The following PCNX1 variants were observed in gnomAD, a reference collection of about 807,000 sequenced individuals.
The protein encoded by PCNX1 is pecanex 1.
PCNX1 carries 78 observed loss-of-function variants against 242.2 expected under a neutral mutation model. The ratio of observed to expected loss-of-function variants is 0.32; its 90% CI spans 0.27 to 0.39. The LOEUF is 0.39. Ranked by LOEUF, PCNX1 falls within the 10% of genes least tolerant of loss-of-function variation. The pLI, the probability that PCNX1 is intolerant of heterozygous loss-of-function variation, is 1.00. For synonymous variants in PCNX1, 1,024 were observed against 1,032.9 expected (o/e 0.99, Z 0.17); for missense variants, 2,581 against 2,856.5 (o/e 0.90, Z 2.20).
At chr14:71,018,478 C>A (rs555236096) in intron 11 of PCNX1, among the ~76,000 whole-genome samples, 30 of 152,012 alleles carry the variant, frequency 2.0e-4, no homozygotes, top group Non-Finnish European at 3.7e-4. Flanking sequence ...TGTAAGAGCC[C>A]ATATTTAAGT....
chr14:71,109,614 C>T (rs1277254393), intron 35 of PCNX1, 22 bp downstream of exon 35: 8 of 1,613,094 alleles, frequency 5.0e-6, no homozygotes, highest in Middle Eastern at 1.6e-4. Context: ...TACAAGCTGG[C>T]GGTCTGGGGC....
At chr14:71,083,424 G>C (rs1025129721) in intron 28 of PCNX1, among the ~76,000 whole-genome samples, 9 of 151,750 alleles carry the variant, frequency 5.9e-5, no homozygotes, top group African/African-American at 2.2e-4. Flanking sequence ...GGAAGTTCTA[G>C]GTAATAATCC....
chr14:71,008,783 C>T (rs1358612490), intron 8 of PCNX1, among the ~76,000 whole-genome samples: 1 of 151,666 alleles, frequency 6.6e-6, no homozygotes, highest in Non-Finnish European at 1.5e-5. Context: ...AGTTGTATAC[C>T]TCATTTCATT....
chr14:70,966,856 C>G (rs2058394777), intron 3 of PCNX1, among the ~76,000 whole-genome samples: 1 of 152,014 alleles, frequency 6.6e-6, no homozygotes, highest in South Asian at 2.1e-4. Flanking sequence ...AATGTTAATT[C>G]TATAACTTAT....
At position 71,111,317 on chromosome 14, in the gene PCNX1, G is replaced by A. The variant is rs1595530422; in HGVS notation, c.*1382G>A. 6.6e-6 allele frequency: 1 copy of A among 152,496 alleles called. No homozygotes were observed. The highest frequency in any genetic ancestry group is 6.5e-5 in the Admixed American group (1 of 15,268). 9.4% of individuals were successfully genotyped at this position (152,496 alleles called of 1,614,324 possible). On this transcript the variant is annotated 3_prime_UTR_variant, in exon 36 of 36. Coordinates refer to ENST00000304743, the MANE Select transcript of PCNX1 (RefSeq NM_014982.3). ...CCTTGATAAAATTTTCCCTTTTGGTGTGAAACTCCAAAGAAAATTGTACAT... is the reference window on the plus strand; with the variant it reads ...CCTTGATAAAATTTTCCCTTTTGGTATGAAACTCCAAAGAAAATTGTACAT...
In PCNX1 at chr14:70,908,080, T is replaced by TCTTCCA. The variant is rs1331947283; in HGVS notation, c.153+79_153+84dup. ...AGATGCTGGGGTCGCGCCCTCTTCCTCTTCCACGGGGTCTCGTCCCCCGGG... is the reference window on the plus strand; with the variant it reads ...AGATGCTGGGGTCGCGCCCTCTTCCTCTTCCACTTCCACGGGGTCTCGTCCCCCGGG... On this transcript the variant is annotated intron_variant, in intron 1 of 35. Transcript: ENST00000304743. The TCTTCCA allele has an allele frequency of 2.9e-6, 4 of 1,374,868 alleles. No individual in the cohort carries two copies. The African/African-American group carries it at 6.1e-5, about 21-fold the overall frequency. The allele number at this position is 1,374,868 out of a possible 1,614,324, so 85.2% of individuals were successfully genotyped here.
At chr14:71,070,637 G>GA (rs2061564322) in intron 26 of PCNX1, among the ~76,000 whole-genome samples, 1 of 152,162 alleles carries the variant, frequency 6.6e-6, no homozygotes, top group South Asian at 2.1e-4. Flanking sequence ...CAGAAGGTCT[G>GA]AACAGTAGGC....
At chr14:71,093,481 CA>C (rs1432074250) in intron 30 of PCNX1, 1 of 152,212 alleles carries the variant, frequency 6.6e-6, no homozygotes, top group Non-Finnish European at 1.5e-5. Flanking sequence ...GAAGCAGTGC[CA>C]GAAAACAAGT....
In PCNX1 at chr14:71,047,879, G is replaced by C; in HGVS notation, c.4233G>C (p.Gln1411His). ...LRSSFSSPTY[Q>H]YVTVIFTVLF... is the part of the protein sequence containing the mutation. ...CCTCTTTTAGCAGCCCTACATATCAGTATGTTACAGTCATCTTTACTGTGC... is the reference window on the plus strand; with the variant it reads ...CCTCTTTTAGCAGCCCTACATATCACTATGTTACAGTCATCTTTACTGTGC... The change falls in exon 22 of 36, where the codon CAG becomes CAC. Residue 1411 changes from glutamine to histidine, a missense_variant. Physicochemically the swap from Gln to His is conservative, Grantham distance 24 (BLOSUM62 0). Coordinates refer to ENST00000304743, the MANE Select transcript of PCNX1 (RefSeq NM_014982.3). The C allele has an allele frequency of 6.2e-7, 1 of 1,612,978 alleles. No individual in the cohort carries two copies. The highest frequency in any genetic ancestry group is 8.5e-7 in the Non-Finnish European group (1 of 1,179,176).
chr14:71,019,446 A>T (rs2060039546), intron 12 of PCNX1, among the ~76,000 whole-genome samples: 1 of 152,324 alleles, frequency 6.6e-6, no homozygotes, highest in Non-Finnish European at 1.5e-5. Context: ...TCTGTTGCCC[A>T]GGCTGCAGTG....
At chr14:71,064,524 A>AT (rs543678083) in intron 26 of PCNX1, among the ~76,000 whole-genome samples, 248 of 152,274 alleles carry the variant, frequency 1.6e-3, no homozygotes, top group African/African-American at 5.7e-3. Context: ...CTCTTGTGTT[A>AT]TTTCGTCATT....
intron 26 of PCNX1, among the ~76,000 whole-genome samples, chr14:71,062,386 A>G (rs2061347660): frequency 6.6e-6 from 1 of 152,042 alleles, no homozygotes; most frequent in African/African-American, 2.4e-5. Context: ...AAAAGCTTAA[A>G]AAGTAAAAAA....
chr14:71,031,645 G>A lies in PCNX1; in HGVS notation c.3559-1784G>A, dbSNP rs193157460. On this transcript the variant is annotated intron_variant, in intron 16 of 35. Coordinates refer to ENST00000304743, the MANE Select transcript of PCNX1 (RefSeq NM_014982.3). ...TCTGCAGCTCAACAGCTCTGTGGGTGGGACGTCTCTCACCGTCAGTAGGTC... is the reference window on the plus strand; with the variant it reads ...TCTGCAGCTCAACAGCTCTGTGGGTAGGACGTCTCTCACCGTCAGTAGGTC... The A allele has an allele frequency of 4.3e-3, 2,816 of 658,164 alleles. 16 individuals carry two copies. The highest frequency in any genetic ancestry group is 4.5e-3 in the Non-Finnish European group (1,579 of 354,596). The allele number at this position is 658,164 out of a possible 1,614,324, so 40.8% of individuals were successfully genotyped here.
In PCNX1 at chr14:71,115,139, A is replaced by G. The variant is rs1422844794; in HGVS notation, c.*5204A>G. ...GAAAATGGGTTTTCCTTTTCTGATCATGGGCTCTGGAAAGTATTCATGGCC... is the reference window on the plus strand; with the variant it reads ...GAAAATGGGTTTTCCTTTTCTGATCGTGGGCTCTGGAAAGTATTCATGGCC... On this transcript the variant is annotated 3_prime_UTR_variant, in exon 36 of 36. Coordinates refer to ENST00000304743, the MANE Select transcript of PCNX1 (RefSeq NM_014982.3). 1 of 152,634 alleles carries G rather than the reference A, an allele frequency of 6.6e-6. No individual in the cohort carries two copies. Among genetic ancestry groups the G allele is most frequent in the African/African-American group, 2.4e-5 (1 of 41,452 alleles). The allele number at this position is 152,634 out of a possible 1,614,324, so 9.5% of individuals were successfully genotyped here.
Position 71,052,308 on chromosome 14 carries a change from G to A in PCNX1, c.4577+296G>A, listed in dbSNP as rs571545230. On this transcript the variant is annotated intron_variant, in intron 24 of 35. Transcript: ENST00000304743. ...TCACTGCAACCTCCACCTCCTGGGG[G>A]GCTCAAGTGATCCTCCTGCCTCAGC... Among the ~76,000 whole-genome samples the A allele has an allele frequency of 4.0e-5, 6 of 151,814 alleles. No homozygotes were observed. The South Asian group carries it at 1.0e-3, about 26-fold the overall frequency.
chr14:70,926,705 G>GGT (rs2056606859), intron 1 of PCNX1, among the ~76,000 whole-genome samples: 1 of 152,060 alleles, frequency 6.6e-6, no homozygotes. Flanking sequence ...CAGTGGGTGT[G>GGT]GTGTTACCCT....
chr14:70,993,420 G>T (rs911842340), intron 7 of PCNX1, among the ~76,000 whole-genome samples: 2 of 152,052 alleles, frequency 1.3e-5, no homozygotes, highest in African/African-American at 4.8e-5. Context: ...GAGCCACCGT[G>T]CCTGGCCAAA....
intron 1 of PCNX1, among the ~76,000 whole-genome samples, chr14:70,912,063 G>A (rs1165537412): frequency 2.0e-5 from 3 of 151,808 alleles, no homozygotes; most frequent in Non-Finnish European, 4.4e-5. Context: ...GTGAAACCCC[G>A]TCTCTACTAA....
At chr14:71,066,333 C>CT in intron 26 of PCNX1, among the ~76,000 whole-genome samples, 1 of 152,278 alleles carries the variant, frequency 6.6e-6, no homozygotes, top group Admixed American at 6.5e-5. Flanking sequence ...CTTCGCATCC[C>CT]TTGTAAGTTG....
Sources: allele counts gnomAD v4.1 joint callset (sites outside exome capture counted in the v4.1 genomes callset), GRCh38; gene constraint gnomAD v4.1.1; transcripts MANE v1.5; gene names NCBI Gene and HGNC (gene_info 2026-07-23, HGNC 2026-07-21).